Variants in COL6A6 observed in about 807,000 individuals in gnomAD.
COL6A6 encodes the protein collagen alpha-6(VI) chain.
A neutral mutation model predicts 208.6 loss-of-function variants in COL6A6; 183 were observed. The observed-to-expected ratio is 0.88, with a 90% confidence interval of 0.78 to 0.99. The LOEUF (loss-of-function observed/expected upper bound fraction) is 0.99. COL6A6 is among the 50% of genes least tolerant of loss of function. The probability of loss-of-function intolerance (pLI) is 0.00; values close to 1 mark genes in which losing one functional copy is unlikely to be tolerated. For missense variants in COL6A6, 2,816 were observed against 2,815.2 expected, an observed-to-expected ratio of 1.00 and a Z score of -0.01; for synonymous variants, 973 against 1,011.8, an observed-to-expected ratio of 0.96 and a Z score of 0.73.
intron 13 of COL6A6, among the ~76,000 whole-genome samples, chr3:130,591,296 C>T (rs1163177897): frequency 1.3e-5 from 2 of 152,156 alleles, no homozygotes; most frequent in Non-Finnish European, 2.9e-5. Flanking sequence ...TCTTTGACTA[C>T]CCACCAACAT....
chr3:130,614,780 T>C (rs1194363924), intron 23 of COL6A6, among the ~76,000 whole-genome samples: 1 of 152,206 alleles, frequency 6.6e-6, no homozygotes, highest in Non-Finnish European at 1.5e-5. Context: ...CTTCTGGATC[T>C]TCTAGTTTGT....
At chr3:130,550,045 G>T (rs1219953291) in intron 1 of COL6A6, among the ~76,000 whole-genome samples, 2 of 151,914 alleles carry the variant, frequency 1.3e-5, no homozygotes, top group Non-Finnish European at 2.9e-5. Context: ...CTGATGAGAT[G>T]GTATTTTATT....
At chr3:130,668,983 G>A (rs2066143697) in intron 36 of COL6A6, among the ~76,000 whole-genome samples, 1 of 152,222 alleles carries the variant, frequency 6.6e-6, no homozygotes, top group African/African-American at 2.4e-5. Context: ...TCAAGGTGGA[G>A]TGTTTATAAG....
intron 20 of COL6A6, among the ~76,000 whole-genome samples, chr3:130,600,175 TAAGAA>T (rs1432807651): frequency 1.3e-5 from 2 of 152,188 alleles, no homozygotes; most frequent in African/African-American, 2.4e-5. Flanking sequence ...GTATGACTAT[TAAGAA>T]AAGTAAGAAT....
intron 6 of COL6A6, among the ~76,000 whole-genome samples, chr3:130,570,280 C>A (rs1553781774): frequency 6.6e-6 from 1 of 152,018 alleles, no homozygotes; most frequent in Non-Finnish European, 1.5e-5. Flanking sequence ...ATAGATGTTT[C>A]AAAAAAGTCA....
chr3:130,540,750 A>G (rs958526104), intron 1 of COL6A6, among the ~76,000 whole-genome samples: 1 of 152,156 alleles, frequency 6.6e-6, no homozygotes, highest in African/African-American at 2.4e-5. Context: ...AAGTAAGAAC[A>G]TGAGGTGTTT....
At chr3:130,639,552 G>A (rs546249785) in intron 28 of COL6A6, among the ~76,000 whole-genome samples, 1 of 152,192 alleles carries the variant, frequency 6.6e-6, no homozygotes, top group South Asian at 2.1e-4. Flanking sequence ...AATTAGCCAC[G>A]CGTGGTGGCA....
intron 33 of COL6A6, among the ~76,000 whole-genome samples, chr3:130,656,617 C>T (rs2065795555): frequency 6.6e-6 from 1 of 152,158 alleles, no homozygotes; most frequent in South Asian, 2.1e-4. Flanking sequence ...CTTCGGGCTC[C>T]CCCTGGCTTG....
chr3:130,640,961 A>G (rs2065289250), intron 28 of COL6A6, among the ~76,000 whole-genome samples: 1 of 152,242 alleles, frequency 6.6e-6, no homozygotes, highest in Non-Finnish European at 1.5e-5. Flanking sequence ...TCCCTAAGGA[A>G]ATAATCAGAA....
rs759747410 is a variant in COL6A6 at position 130,567,009 on chromosome 3, G to A, written c.1590G>A (p.Lys530=). The stretch of plus-strand genomic sequence containing the variant: ...CACTGAGTCTGTTGCAAAAAGCAAA[G>A]AAGCAGCGAGGAAACAAAGTTCCAT... ...NFTLSLLQKA[K]KQRGNKVPCH... The change falls in exon 5 of 37, where the codon AAG becomes AAA. Residue 530 remains lysine (K), a synonymous_variant. Coordinates refer to ENST00000358511, the MANE Select transcript of COL6A6 (RefSeq NM_001102608.3). 1 of 1,614,060 alleles carries A rather than the reference G, an allele frequency of 6.2e-7. No individual in the cohort carries two copies. The highest frequency in any genetic ancestry group is 1.7e-5 in the Admixed American group (1 of 60,022).
chr3:130,568,361 C>T lies in COL6A6; in HGVS notation c.2158C>T (p.Pro720Ser). Residue 720 changes from proline to serine, a missense_variant, in exon 6 of 37, where the codon CCC becomes TCC. Transcript: ENST00000358511. ...CTTCAGCCCCACCAAGGGCGCCCGG[C>T]CCAACATCAGAAAGTTTCTCATCCT... is the stretch of plus-strand genomic sequence containing the variant. ...QYFSPTKGARPNIRKFLILIT... is the reference protein window; with the variant it reads ...QYFSPTKGARSNIRKFLILIT... 16 of 1,613,964 alleles carry T rather than the reference C, an allele frequency of 9.9e-6. No individual in the cohort carries two copies. Among genetic ancestry groups the T allele is most frequent in the Non-Finnish European group, 1.3e-5 (15 of 1,179,888 alleles).
In COL6A6 at chr3:130,628,226, G is replaced by A. The variant is rs867403179; in HGVS notation, c.4992+857G>A. ...CCAGTGAAATGTTCATTAGAACAGA[G>A]AACAGTTAATATTCCATAATATAAT... On this transcript the variant is annotated intron_variant, in intron 26 of 36. Transcript: ENST00000358511. Among the ~76,000 whole-genome samples, 8 of 152,250 alleles carry A rather than the reference G, an allele frequency of 5.3e-5. No homozygotes were observed. In the South Asian group the frequency reaches 8.3e-4, roughly 16 times the overall value.
chr3:130,603,261 T>TG (rs1218148359), intron 20 of COL6A6, among the ~76,000 whole-genome samples: 2 of 152,206 alleles, frequency 1.3e-5, no homozygotes, highest in African/African-American at 4.8e-5. Flanking sequence ...TTCTTTGCTG[T>TG]GGGGGGCTAG....
Position 130,606,914 on chromosome 3 carries a change from CT to C in COL6A6, c.4654-13del. 1 of 1,600,940 alleles carries C rather than the reference CT, an allele frequency of 6.2e-7. No homozygotes were observed. ...TTTTTTCTGAATTAATGATATCCAC[CT>C]TTTCTTCTATTTTAGGCAGCTCATG... On this transcript the variant is annotated splice_polypyrimidine_tract_variant and intron_variant, in intron 20 of 36. Transcript: ENST00000358511.
intron 23 of COL6A6, among the ~76,000 whole-genome samples, chr3:130,614,673 G>C (rs556046815): frequency 1.7e-3 from 266 of 152,168 alleles, no homozygotes; most frequent in African/African-American, 6.1e-3. Context: ...TTTTATTATT[G>C]AGTCAACGTT....
chr3:130,609,352 T>G (rs2064282616), intron 22 of COL6A6, among the ~76,000 whole-genome samples: 1 of 152,214 alleles, frequency 6.6e-6, no homozygotes, highest in African/African-American at 2.4e-5. Flanking sequence ...TTGGCTTTAC[T>G]CTTAGGAAAG....
chr3:130,641,826 G>A (rs958539964), intron 29 of COL6A6, 112 bp downstream of exon 29: 5 of 538,412 alleles, frequency 9.3e-6, no homozygotes, highest in Non-Finnish European at 1.6e-5. Flanking sequence ...CTGCTTCTTG[G>A]CCACTTTTTT....
In COL6A6 at chr3:130,664,603, T is replaced by G. The variant is rs75244879; in HGVS notation, c.6503-400T>G. ...TTAGTGCTATTGTTGCTGTTGTTAGTGTTTCAAAGATCATAAAGAAAATGT... is the reference window on the plus strand; with the variant it reads ...TTAGTGCTATTGTTGCTGTTGTTAGGGTTTCAAAGATCATAAAGAAAATGT... On this transcript the variant is annotated intron_variant, in intron 35 of 36. Transcript: ENST00000358511. Among the ~76,000 whole-genome samples, 436 of 152,200 alleles carry G rather than the reference T, an allele frequency of 2.9e-3. 2 individuals carry two copies. Among genetic ancestry groups the G allele is most frequent in the African/African-American group, 9.8e-3 (405 of 41,448 alleles).
At chr3:130,592,810 A>G in intron 15 of COL6A6, 88 bp downstream of exon 15, 1 of 1,286,396 alleles carries the variant, frequency 7.8e-7, no homozygotes, top group South Asian at 1.4e-5. Flanking sequence ...AAATTATACA[A>G]ATAAAGTTGT....
Sources: allele counts gnomAD v4.1 joint callset (sites outside exome capture counted in the v4.1 genomes callset), GRCh38; gene constraint gnomAD v4.1.1; transcripts MANE v1.5; gene names NCBI Gene and HGNC (gene_info 2026-07-23, HGNC 2026-07-21).